PGS1: variants seen among roughly 807,000 people sequenced by gnomAD.
PGS1 encodes phosphatidylglycerophosphate synthase 1.
In PGS1, 44 loss-of-function variants were observed where a neutral mutation model predicts 58.3. That is an observed-to-expected ratio of 0.75 (90% confidence interval 0.59 to 0.97). The LOEUF (loss-of-function observed/expected upper bound fraction) is 0.97, where lower values mean the gene tolerates loss of function less well. Among genes scored for constraint, PGS1 ranks in the 50% least tolerant of loss-of-function variants. PGS1 has a pLI of 0.00. For missense variants in PGS1, 684 were observed against 731.1 expected (o/e 0.94, Z 0.74); for synonymous variants, 330 against 311.0 (o/e 1.06, Z -0.64).
chr17:78,393,316 T>TC (rs1306071153), intron 2 of PGS1, among the ~76,000 whole-genome samples: 1 of 152,184 alleles, frequency 6.6e-6, no homozygotes, highest in African/African-American at 2.4e-5. Flanking sequence ...CGCCTCGGCC[T>TC]CCCAAAGTGC....
chr17:78,406,706 C>T (rs2084178765), intron 7 of PGS1, among the ~76,000 whole-genome samples: 1 of 152,192 alleles, frequency 6.6e-6, no homozygotes, highest in Admixed American at 6.5e-5. Context: ...AACAGCAGTA[C>T]CCAGGGATGG....
At position 78,400,739 on chromosome 17, in the gene PGS1, G is replaced by T. The variant is rs1430508084; in HGVS notation, c.764G>T (p.Cys255Phe). 6.2e-7 allele frequency: 1 copy of T among 1,614,124 alleles called. No homozygotes were observed. The highest frequency in any genetic ancestry group is 1.1e-5 in the South Asian group (1 of 91,088). Residue 255 changes from cysteine to phenylalanine, a missense_variant, in exon 6 of 10, where the codon TGT becomes TTT. Physicochemically the swap from Cys to Phe is radical, Grantham distance 205 (BLOSUM62 -2). Coordinates refer to ENST00000262764, the MANE Select transcript of PGS1 (RefSeq NM_024419.5). This position sits in a 1 kb window ranked among gnomAD's most constrained non-coding sequence, Gnocchi z 4.4. ...RQDRYVFLQDCAEIADFFTEL... is the reference protein window; with the variant it reads ...RQDRYVFLQDFAEIADFFTEL... ...GACCGCTACGTGTTCCTGCAGGACT[G>T]TGCGGAGATTGCCGACTTCTTCACG...
intron 7 of PGS1, among the ~76,000 whole-genome samples, chr17:78,405,288 G>A (rs939275811): frequency 4.6e-5 from 7 of 152,176 alleles, no homozygotes; most frequent in African/African-American, 9.7e-5. Context: ...GAGCCACTGC[G>A]CCCGGCTGGC....
In PGS1 at chr17:78,384,207, C is replaced by T. The variant is rs2082222190; in HGVS notation, c.143+5399C>T. The stretch of plus-strand genomic sequence containing the variant: ...GTAGCTGCATGCTGGCAGCCTGGGC[C>T]TCTCGTGCCGGACTTGTTATGGGAG... On this transcript the variant is annotated intron_variant, in intron 1 of 9. Coordinates refer to ENST00000262764, the MANE Select transcript of PGS1 (RefSeq NM_024419.5). Among the ~76,000 whole-genome samples the T allele has an allele frequency of 2.0e-5, 3 of 152,170 alleles. No individual in the cohort carries two copies. The South Asian group carries it at 6.2e-4, about 31-fold the overall frequency.
At chr17:78,418,754 C>T (rs1455853792) in intron 8 of PGS1, among the ~76,000 whole-genome samples, 1 of 152,154 alleles carries the variant, frequency 6.6e-6, no homozygotes, top group Non-Finnish European at 1.5e-5. Context: ...TAGAGGATGA[C>T]TTGTCCCCCT....
chr17:78,408,522 G>A (rs191129888), intron 7 of PGS1, among the ~76,000 whole-genome samples: 163 of 152,318 alleles, frequency 1.1e-3, no homozygotes, highest in African/African-American at 3.3e-3. Context: ...TTGGTGGGGC[G>A]CGTGGAGGTT....
rs767312284 is a variant in PGS1 at position 78,399,359 on chromosome 17, TCC to T, written c.525_526del (p.Arg176HisfsTer34). The T allele has an allele frequency of 6.2e-7, 1 of 1,613,950 alleles. No individual in the cohort carries two copies. The highest frequency in any genetic ancestry group is 1.7e-5 in the Admixed American group (1 of 60,020). ...CTGTCCGTGTTCAGGCCGGAAGAAC[TCC>T]CGCACAATGCTGCTCCCACTCCTGC... ...FTRGSRGRKNSRTMLLPLLRR... is the reference protein window; with the variant it reads ...FTRGSRGRKNXRTMLLPLLRR... On this transcript the variant is annotated frameshift_variant, in exon 5 of 10. Transcript: ENST00000262764. LOFTEE classifies it high-confidence loss of function.
At chr17:78,420,193 AT>A (rs2085584897) in intron 9 of PGS1, 1 of 999,552 alleles carries the variant, frequency 1.0e-6, no homozygotes, top group Non-Finnish European at 1.2e-6. Flanking sequence ...CCTCGCTGAC[AT>A]CCCTGTGCTG....
intron 5 of PGS1, 23 bp downstream of exon 5, chr17:78,399,560 G>A (rs2083492304): frequency 1.2e-6 from 2 of 1,611,842 alleles, no homozygotes; most frequent in Non-Finnish European, 1.7e-6. Flanking sequence ...CACCGTCAGT[G>A]CTTTTGCCCT....
rs115223098 is a variant in PGS1, at chr17:78,403,077, G to T, written c.881-491G>T. On this transcript the variant is annotated intron_variant, in intron 6 of 9. Coordinates refer to ENST00000262764, the MANE Select transcript of PGS1 (RefSeq NM_024419.5). ...CCCTGTGACCCCATCTGTGGAATAC[G>T]CATGCTCCTTTTTTGGTTATACTTG... 7.8e-3 allele frequency among the ~76,000 whole-genome samples: 1,186 copies of T among 152,224 alleles called. 13 individuals carry two copies. Among genetic ancestry groups the T allele is most frequent in the African/African-American group, 0.026 (1,087 of 41,530 alleles).
At chr17:78,411,012 C>T (rs1477349240) in intron 7 of PGS1, among the ~76,000 whole-genome samples, 6 of 152,128 alleles carry the variant, frequency 3.9e-5, no homozygotes, top group South Asian at 2.1e-4. Flanking sequence ...GAACGAGCTA[C>T]GAAGAGCAGA....
chr17:78,394,845 G>T (rs962693865), intron 2 of PGS1, among the ~76,000 whole-genome samples: 1 of 152,176 alleles, frequency 6.6e-6, no homozygotes, highest in Non-Finnish European at 1.5e-5. Flanking sequence ...ATTAGCCACC[G>T]TGCCCAGCCT....
chr17:78,424,238 C>G lies in PGS1; in HGVS notation c.*188C>G. 1 of 1,493,104 alleles carries G rather than the reference C, an allele frequency of 6.7e-7. No homozygotes were observed. Among genetic ancestry groups the G allele is most frequent in the Non-Finnish European group, 8.9e-7 (1 of 1,119,158 alleles). The allele number at this position is 1,493,104 out of a possible 1,614,324, so 92.5% of individuals were successfully genotyped here. ...CAGGAAGGGTGGGGTCCTCACACTC[C>G]CCGCCCTCTGCAGAGCTGGGCTCTA... On this transcript the variant is annotated 3_prime_UTR_variant, in exon 10 of 10. Coordinates refer to ENST00000262764, the MANE Select transcript of PGS1 (RefSeq NM_024419.5).
At chr17:78,421,681 CAG>C (rs972645818) in intron 9 of PGS1, 15 of 152,282 alleles carry the variant, frequency 9.9e-5, no homozygotes, top group Non-Finnish European at 1.9e-4. Context: ...TCTCGGTAAA[CAG>C]AGTTCGCATT....
chr17:78,386,784 T>G (rs1363282804), intron 1 of PGS1, among the ~76,000 whole-genome samples: 1 of 152,144 alleles, frequency 6.6e-6, no homozygotes, highest in Non-Finnish European at 1.5e-5. Flanking sequence ...AAACCTTTTC[T>G]GAGCAAATTC....
At chr17:78,393,965 C>G (rs2083021394) in intron 2 of PGS1, among the ~76,000 whole-genome samples, 1 of 151,810 alleles carries the variant, frequency 6.6e-6, no homozygotes, top group South Asian at 2.1e-4. Context: ...CGGTGGATCA[C>G]CTGAGGTCAG....
intron 2 of PGS1, among the ~76,000 whole-genome samples, chr17:78,395,618 G>A (rs2083174516): frequency 6.6e-6 from 1 of 152,210 alleles, no homozygotes; most frequent in Non-Finnish European, 1.5e-5. Flanking sequence ...TGTTAGGACT[G>A]ATTTGGGGTA....
chr17:78,420,308 C>CT lies in PGS1; in HGVS notation c.*10+633_*10+634insT. On this transcript the variant is annotated intron_variant, in intron 9 of 9. Coordinates refer to ENST00000262764, the MANE Select transcript of PGS1 (RefSeq NM_024419.5). Reference sequence around the variant, plus strand: ...GCTTCACCAGAGGCACCAGTGGGGTCCCACAGTCACCTGAGGTACCCCTGG... The same window carrying CT: ...GCTTCACCAGAGGCACCAGTGGGGTCTCCACAGTCACCTGAGGTACCCCTGG... The CT allele has an allele frequency of 5.1e-6, 4 of 785,830 alleles. No individual in the cohort carries two copies. The Admixed American group carries it at 1.8e-4, about 35-fold the overall frequency. The allele number at this position is 785,830 out of a possible 1,614,324, so 48.7% of individuals were successfully genotyped here.
At chr17:78,398,945 A>T (rs1287121523) in intron 4 of PGS1, among the ~76,000 whole-genome samples, 4 of 152,124 alleles carry the variant, frequency 2.6e-5, no homozygotes, top group Non-Finnish European at 4.4e-5. Context: ...GGGAGCTTGG[A>T]GTGTGCCGAG....
Sources: gnomAD v4.1 joint callset for allele counts (sites outside exome capture counted in the v4.1 genomes callset) on GRCh38, gnomAD v4.1.1 for gene constraint, Gnocchi (gnomAD v3.1) non-coding constraint, MANE v1.5 for transcripts, NCBI Gene and HGNC (gene_info 2026-07-23, HGNC 2026-07-21) for gene names.